ABCA7: variants seen among roughly 807,000 people sequenced by gnomAD.
ABCA7 encodes the protein phospholipid-transporting ATPase ABCA7.
In ABCA7, 261 loss-of-function variants were observed where a neutral mutation model predicts 227.6. That is an observed-to-expected ratio of 1.15 (90% confidence interval 1.04 to 1.27). The LOEUF (loss-of-function observed/expected upper bound fraction) is 1.27, where lower values mean the gene tolerates loss of function less well. Ranked by LOEUF, ABCA7 falls within the 50% of genes most tolerant of loss-of-function variation. The pLI, the probability that ABCA7 is intolerant of heterozygous loss-of-function variation, is 0.00. For missense variants in ABCA7, 3,331 were observed against 2,924.5 expected (o/e 1.14, Z -3.21); for synonymous variants, 1,488 against 1,279.7 (o/e 1.16, Z -3.47).
Position 1,054,477 on chromosome 19 carries a change from G to A in ABCA7, c.3727-93G>A. 6.4e-7 allele frequency: 1 copy of A among 1,568,556 alleles called. No homozygotes were observed. The highest frequency in any genetic ancestry group is 1.1e-5 in the South Asian group (1 of 87,946). On this transcript the variant is annotated intron_variant, in intron 27 of 46. Transcript: ENST00000263094. This position sits in a 1 kb window ranked among gnomAD's most constrained non-coding sequence, Gnocchi z 4.8. ...AAAGCACATTTATTGAGGGCACTGGGGAGCCATGGGTGGTTGTAGAGCAGG... is the reference window on the plus strand; with the variant it reads ...AAAGCACATTTATTGAGGGCACTGGAGAGCCATGGGTGGTTGTAGAGCAGG...
intron 40 of ABCA7, among the ~76,000 whole-genome samples, chr19:1,061,284 C>A (rs2042634863): frequency 6.6e-6 from 1 of 151,246 alleles, no homozygotes; most frequent in African/African-American, 2.4e-5. Flanking sequence ...GTAGTCCCAG[C>A]TACTCCGGAG....
chr19:1,041,259 A>G lies in ABCA7; in HGVS notation c.-103A>G. 1 of 1,160,006 alleles carries G rather than the reference A, an allele frequency of 8.6e-7. No homozygotes were observed. The highest frequency in any genetic ancestry group is 1.2e-5 in the South Asian group (1 of 82,022). 71.9% of individuals were successfully genotyped at this position (1,160,006 alleles called of 1,614,324 possible). A position where few individuals can be genotyped will look rare whatever the true frequency, so the allele number is the denominator to read the frequency against. On this transcript the variant is annotated 5_prime_UTR_variant, in exon 2 of 47. The change abolishes an upstream ATG in the 5' untranslated region. Transcript: ENST00000263094. ...GAACCCTGCGCTGTGGGATAAAGGA[A>G]TGAGGTTCAGAAAGGGGCAGGGAGT...
At position 1,050,923 on chromosome 19, in the gene ABCA7, C is replaced by G; in HGVS notation, c.2555C>G (p.Ser852Cys). ...HNGAGKTTTL[S>C]ILSGLFPPSG... Reference sequence around the variant, plus strand: ...CTCTGAGACCCCTCTATCCACAGGTCCATCTTGAGTGGCCTCTTCCCACCC... The same window carrying G: ...CTCTGAGACCCCTCTATCCACAGGTGCATCTTGAGTGGCCTCTTCCCACCC... Residue 852 changes from serine (S) to cysteine (C), a missense_variant and splice_region_variant, in exon 19 of 47, where the codon TCC becomes TGC. Coordinates refer to ENST00000263094, the MANE Select transcript of ABCA7 (RefSeq NM_019112.4). The G allele has an allele frequency of 1.9e-6, 3 of 1,602,792 alleles. No homozygotes were observed. Among genetic ancestry groups the G allele is most frequent in the Non-Finnish European group, 2.6e-6 (3 of 1,173,470 alleles).
intron 6 of ABCA7, 116 bp downstream of exon 6, chr19:1,042,513 GTC>G: frequency 7.6e-7 from 1 of 1,318,190 alleles, no homozygotes; most frequent in Non-Finnish European, 1.1e-6. Context: ...GCTGTCCCTG[GTC>G]TCTGCGGTGA....
Position 1,054,821 on chromosome 19 carries a change from A to T in ABCA7, c.3893A>T (p.Glu1298Val). Reference sequence around the variant, plus strand: ...GACCCTGGACGTGCCCGGCTGCTCGAGGCGCTGCTGCAGGAGGCAGGACTG... The same window carrying T: ...GACCCTGGACGTGCCCGGCTGCTCGTGGCGCTGCTGCAGGAGGCAGGACTG... ...PGDPGRARLL[E>V]ALLQEAGLEE... Residue 1298 changes from glutamate (E) to valine (V), a missense_variant, in exon 29 of 47, where the codon GAG (glutamate) becomes GTG (valine). Physicochemically the swap from Glu to Val is moderately radical, Grantham distance 121. Coordinates refer to ENST00000263094, the MANE Select transcript of ABCA7 (RefSeq NM_019112.4). This position sits in a 1 kb window ranked among gnomAD's most constrained non-coding sequence, Gnocchi z 4.8. The T allele has an allele frequency of 1.3e-6, 2 of 1,577,364 alleles. No homozygotes were observed. The highest frequency in any genetic ancestry group is 1.7e-6 in the Non-Finnish European group (2 of 1,162,300).
Position 1,054,475 on chromosome 19 carries a change from G to A in ABCA7, c.3727-95G>A. The A allele has an allele frequency of 6.4e-7, 1 of 1,567,612 alleles. No individual in the cohort carries two copies. Among genetic ancestry groups the A allele is most frequent in the Non-Finnish European group, 8.6e-7 (1 of 1,156,734 alleles). On this transcript the variant is annotated intron_variant, in intron 27 of 46. Coordinates refer to ENST00000263094, the MANE Select transcript of ABCA7 (RefSeq NM_019112.4). The surrounding 1 kb of genome is among the most constrained non-coding windows in gnomAD (Gnocchi z 4.8). ...CCAAAGCACATTTATTGAGGGCACTGGGGAGCCATGGGTGGTTGTAGAGCA... is the reference window on the plus strand; with the variant it reads ...CCAAAGCACATTTATTGAGGGCACTAGGGAGCCATGGGTGGTTGTAGAGCA...
At position 1,051,047 on chromosome 19, in the gene ABCA7, T is replaced by C. The variant is rs1046774111; in HGVS notation, c.2679T>C (p.Phe893=). The C allele has an allele frequency of 6.2e-7, 1 of 1,611,224 alleles. No individual in the cohort carries two copies. The highest frequency in any genetic ancestry group is 1.3e-5 in the African/African-American group (1 of 74,872). ...LGVCPQYNVL[F]DMLTVDEHVW... ...TCTGTCCTCAGTACAACGTGCTGTT[T>C]GACATGTGCGTCTCGGCAGGCCCAG... Residue 893 remains phenylalanine (F), a synonymous_variant, in exon 19 of 47, where the codon TTT becomes TTC. Transcript: ENST00000263094.
intron 34 of ABCA7, 81 bp from the exon 35 acceptor site, chr19:1,057,233 G>A (rs2042335438): frequency 1.3e-6 from 2 of 1,571,054 alleles, no homozygotes; most frequent in Admixed American, 1.7e-5. Flanking sequence ...AAAAAGCAAG[G>A]AGGTCAGGGT....
rs369430654 is a variant in ABCA7 at position 1,063,493 on chromosome 19, C to T, written c.5713-51C>T. 10 of 1,597,838 alleles carry T rather than the reference C, an allele frequency of 6.3e-6. No homozygotes were observed. The African/African-American group carries it at 1.2e-4, about 19-fold the overall frequency. ...TGGCCCCGCCACACTGTGGCCCTGC[C>T]CCATACTCATCAATATGAGTCCCCA... is the stretch of plus-strand genomic sequence containing the variant. On this transcript the variant is annotated intron_variant, in intron 42 of 46. Coordinates refer to ENST00000263094, the MANE Select transcript of ABCA7 (RefSeq NM_019112.4).
chr19:1,050,366 T>C (rs1418034499), intron 18 of ABCA7, among the ~76,000 whole-genome samples: 2 of 147,406 alleles, frequency 1.4e-5, no homozygotes, highest in South Asian at 2.2e-4. Context: ...GAGCCGAGAC[T>C]GTGCCGTTGC....
rs768388561 is a variant in ABCA7 at position 1,058,071 on chromosome 19, C to T, written c.5025+12C>T. 7.4e-6 allele frequency: 12 copies of T among 1,614,000 alleles called. No homozygotes were observed. The African/African-American group carries it at 8.0e-5, about 11-fold the overall frequency. On this transcript the variant is annotated intron_variant, in intron 36 of 46. Coordinates refer to ENST00000263094, the MANE Select transcript of ABCA7 (RefSeq NM_019112.4). ...TCTTCTCTGATCAGGTGGGGCACCA[C>T]GAGGCTGGGGCTTGGGCTGGGTTGG...
At chr19:1,045,296 C>T in intron 12 of ABCA7, 65 bp downstream of exon 12, 3 of 1,423,842 alleles carry the variant, frequency 2.1e-6, no homozygotes, top group South Asian at 1.3e-5. Context: ...GTGGGTGGGG[C>T]CAGGCAGCAT....
chr19:1,054,127 G>A lies in ABCA7; in HGVS notation c.3577+17G>A. 6.2e-7 allele frequency: 1 copy of A among 1,612,828 alleles called. No homozygotes were observed. Among genetic ancestry groups the A allele is most frequent in the African/African-American group, 1.3e-5 (1 of 74,966 alleles). ...GGGAACCAGGTAAGTCCTTCCCAGT[G>A]GCCCTGGGGTCCTCCCAGCCACCCC... On this transcript the variant is annotated intron_variant, in intron 26 of 46. Coordinates refer to ENST00000263094, the MANE Select transcript of ABCA7 (RefSeq NM_019112.4). This position sits in a 1 kb window ranked among gnomAD's most constrained non-coding sequence, Gnocchi z 4.8.
chr19:1,041,542 C>G lies in ABCA7; in HGVS notation c.99C>G (p.Leu33=). The part of the protein sequence containing the change: ...VQLLVELLWP[L]FLFFILVAVR... ...TCCTGGTCGAATTGCTGTGGCCTCT[C>G]TTCCTCTTCTTCATCCTGGTGGCTG... Residue 33 remains leucine (L), a synonymous_variant, in exon 3 of 47, where the codon CTC becomes CTG. Transcript: ENST00000263094. 1 of 1,613,596 alleles carries G rather than the reference C, an allele frequency of 6.2e-7. No individual in the cohort carries two copies. The highest frequency in any genetic ancestry group is 2.2e-5 in the East Asian group (1 of 44,886).
rs866761348 is a variant in ABCA7, at chr19:1,063,592, C to A, written c.5761C>A (p.Arg1921=). ...TCTGGGACTCTCATGGTACGCAGAC[C>A]GGCCTGCAGGCACCTACAGCGGAGG... is the stretch of plus-strand genomic sequence containing the variant. The part of the protein sequence containing the change: ...ARLGLSWYAD[R]PAGTYSGGNK... Residue 1921 remains arginine, a synonymous_variant, in exon 43 of 47, where the codon CGG becomes AGG. Transcript: ENST00000263094. The A allele has an allele frequency of 6.2e-7, 1 of 1,611,204 alleles. No homozygotes were observed. Among genetic ancestry groups the A allele is most frequent in the Non-Finnish European group, 8.5e-7 (1 of 1,179,928 alleles).
At chr19:1,058,552 A>T (rs114506298) in intron 37 of ABCA7, 66 bp from the exon 38 acceptor site, 4 of 1,595,830 alleles carry the variant, frequency 2.5e-6, no homozygotes, top group Non-Finnish European at 3.4e-6. Flanking sequence ...CCAGAGTGAC[A>T]TGGATGGAGA....
chr19:1,051,526 G>C lies in ABCA7; in HGVS notation c.2902G>C (p.Ala968Pro). The C allele has an allele frequency of 6.2e-7, 1 of 1,612,696 alleles. No individual in the cohort carries two copies. The highest frequency in any genetic ancestry group is 8.5e-7 in the Non-Finnish European group (1 of 1,179,934). Residue 968 changes from alanine to proline, a missense_variant, in exon 21 of 47, where the codon GCT becomes CCT. Physicochemically the swap from Ala to Pro is conservative, Grantham distance 27. Coordinates refer to ENST00000263094, the MANE Select transcript of ABCA7 (RefSeq NM_019112.4). ...SQVVILDEPT[A>P]GVDPASRRGI... The stretch of plus-strand genomic sequence containing the variant: ...AGTTGTTATCCTGGACGAGCCTACG[G>C]CTGGCGTGGATCCTGCTTCCCGCCG...
At chr19:1,058,966 G>A in intron 39 of ABCA7, 26 bp downstream of exon 39, 3 of 1,612,204 alleles carry the variant, frequency 1.9e-6, no homozygotes, top group Non-Finnish European at 2.5e-6. Context: ...TCGACTGCTG[G>A]GTGGGGGGTG....
rs1394096947 is a variant in ABCA7, at chr19:1,052,197, T to G, written c.3148-17T>G. ...CAGCCCTGAAGGCCAAGCCACTTGGTGCCTCTCTGCCCGCAGGCTGACACT... is the reference window on the plus strand; with the variant it reads ...CAGCCCTGAAGGCCAAGCCACTTGGGGCCTCTCTGCCCGCAGGCTGACACT... On this transcript the variant is annotated splice_polypyrimidine_tract_variant and intron_variant, in intron 22 of 46. Coordinates refer to ENST00000263094, the MANE Select transcript of ABCA7 (RefSeq NM_019112.4). The G allele has an allele frequency of 6.3e-7, 1 of 1,597,428 alleles. No individual in the cohort carries two copies. The highest frequency in any genetic ancestry group is 1.4e-5 in the African/African-American group (1 of 73,750).
Sources: gnomAD v4.1 joint callset for allele counts (sites outside exome capture counted in the v4.1 genomes callset) on GRCh38, gnomAD v4.1.1 for gene constraint, Gnocchi (gnomAD v3.1) non-coding constraint, MANE v1.5 for transcripts, NCBI Gene and HGNC (gene_info 2026-07-23, HGNC 2026-07-21) for gene names.